Variants in ARHGAP26 observed in about 807,000 individuals in gnomAD.
ARHGAP26 encodes the protein Rho GTPase activating protein 26, also known as rho GTPase-activating protein 26.
Under a neutral mutation model 104.8 loss-of-function variants are expected in ARHGAP26, and 38 were observed. The observed-to-expected ratio is 0.36, with a 90% CI of 0.28 to 0.48. The LOEUF (loss-of-function observed/expected upper bound fraction) is 0.48. ARHGAP26 is among the 20% of genes least tolerant of loss of function. ARHGAP26 has a pLI of 0.99. For missense variants in ARHGAP26, 704 were observed against 947.9 expected, an observed-to-expected ratio of 0.74 and a Z score of 3.38; for synonymous variants, 341 against 340.0, an observed-to-expected ratio of 1.00 and a Z score of -0.03.
chr5:142,894,360 T>C lies in ARHGAP26; in HGVS notation c.597+12T>C, dbSNP rs763469500. On this transcript the variant is annotated intron_variant, in intron 6 of 22. Coordinates refer to ENST00000645722, the MANE Select transcript of ARHGAP26 (RefSeq NM_001135608.3). ...AGTTTGTGGAGCCTGTAAGTAGATATTCAGGGTTTAATGATGTACCCATAT... is the reference window on the plus strand; with the variant it reads ...AGTTTGTGGAGCCTGTAAGTAGATACTCAGGGTTTAATGATGTACCCATAT... The C allele has an allele frequency of 5.6e-6, 9 of 1,607,584 alleles. No homozygotes were observed. Among genetic ancestry groups the C allele is most frequent in the South Asian group, 2.2e-5 (2 of 90,778 alleles).
intron 9 of ARHGAP26, among the ~76,000 whole-genome samples, chr5:142,912,309 A>C (rs1761938086): frequency 6.6e-6 from 1 of 152,378 alleles, no homozygotes; most frequent in Middle Eastern, 3.4e-3. Flanking sequence ...GCCAGACAAA[A>C]AGAGCACATA....
chr5:143,219,161 A>G (rs147731462), intron 22 of ARHGAP26, among the ~76,000 whole-genome samples: 121 of 152,358 alleles, frequency 7.9e-4, no homozygotes, highest in African/African-American at 2.7e-3. Flanking sequence ...TCTGGAGTCA[A>G]ACAAGCTGGG....
Position 142,917,037 on chromosome 5 carries a change from A to ATATTTTT in ARHGAP26, c.1028+3745_1028+3746insATTTTTT, listed in dbSNP as rs1762570535. On this transcript the variant is annotated intron_variant, in intron 10 of 22. Coordinates refer to ENST00000645722, the MANE Select transcript of ARHGAP26 (RefSeq NM_001135608.3). ...CACATTGGTGCCTCAAGACTTTGGA[A>ATATTTTT]TTTTTTTTTTTTTTTTTTTTTAGAT... Among the ~76,000 whole-genome samples, 3 of 135,422 alleles carry ATATTTTT rather than the reference A, an allele frequency of 2.2e-5. No homozygotes were observed. The South Asian group carries it at 7.3e-4, about 33-fold the overall frequency. 88.8% of individuals were successfully genotyped at this position (135,422 alleles called of 152,430 possible).
intron 22 of ARHGAP26, among the ~76,000 whole-genome samples, chr5:143,214,505 A>G (rs567216436): frequency 2.6e-5 from 4 of 152,328 alleles, no homozygotes; most frequent in Non-Finnish European, 4.4e-5. Context: ...TCTTCGAAAA[A>G]GGCCCTGATG....
chr5:143,076,715 A>G (rs1473511448), intron 17 of ARHGAP26, among the ~76,000 whole-genome samples: 1 of 152,166 alleles, frequency 6.6e-6, no homozygotes, highest in Non-Finnish European at 1.5e-5. Flanking sequence ...GACGTCTGGT[A>G]TTTGTATATG....
intron 1 of ARHGAP26, among the ~76,000 whole-genome samples, chr5:142,787,767 A>G (rs770836951): frequency 1.3e-5 from 2 of 152,254 alleles, no homozygotes; most frequent in Non-Finnish European, 2.9e-5. Flanking sequence ...TGGATAAAAT[A>G]AAATGCAAAT....
At chr5:143,033,724 T>C (rs931140667) in intron 12 of ARHGAP26, among the ~76,000 whole-genome samples, 1 of 152,198 alleles carries the variant, frequency 6.6e-6, no homozygotes, top group African/African-American at 2.4e-5. Flanking sequence ...AACATCCTAG[T>C]TCAGAATCAA....
chr5:143,101,668 A>G (rs139759612), intron 17 of ARHGAP26, among the ~76,000 whole-genome samples: 1 of 151,572 alleles, frequency 6.6e-6, no homozygotes, highest in East Asian at 1.9e-4. Context: ...CCTGAAACAG[A>G]CACACACACT....
intron 17 of ARHGAP26, among the ~76,000 whole-genome samples, chr5:143,117,329 C>T (rs567409082): frequency 2.8e-4 from 43 of 152,168 alleles, no homozygotes; most frequent in Non-Finnish European, 5.6e-4. Context: ...GTAAATTCAT[C>T]GAGCTATAAT....
At chr5:142,934,617 G>A (rs189538075) in intron 11 of ARHGAP26, among the ~76,000 whole-genome samples, 19 of 152,298 alleles carry the variant, frequency 1.2e-4, no homozygotes, top group Admixed American at 1.2e-3. Context: ...ATCTGTCCCC[G>A]TGGGAGCTTT....
chr5:142,828,386 A>T lies in ARHGAP26; in HGVS notation c.155-45014A>T, dbSNP rs182647649. 6.5e-3 allele frequency among the ~76,000 whole-genome samples: 993 copies of T among 152,290 alleles called. 9 individuals carry two copies. Among genetic ancestry groups the T allele is most frequent in the Middle Eastern group, 0.031 (9 of 294 alleles). On this transcript the variant is annotated intron_variant, in intron 1 of 22. Coordinates refer to ENST00000645722, the MANE Select transcript of ARHGAP26 (RefSeq NM_001135608.3). ...CAGCATATGCACCACAAAATGAGTC[A>T]TTATGACTTAAGTTTTTTTTATTTC...
intron 1 of ARHGAP26, among the ~76,000 whole-genome samples, chr5:142,824,793 T>A (rs765786603): frequency 3.3e-5 from 5 of 152,180 alleles, no homozygotes; most frequent in Admixed American, 3.3e-4. Flanking sequence ...GCCTTATTAA[T>A]GGGCAGGGCA....
rs183525412 is a variant in ARHGAP26, at chr5:142,991,178, C to G, written c.1108-22902C>G. On this transcript the variant is annotated intron_variant, in intron 11 of 22. Coordinates refer to ENST00000645722, the MANE Select transcript of ARHGAP26 (RefSeq NM_001135608.3). ...TCAGCAAAGGTGGATGCCCCTCCCCCAGCCTTGCTGCCGCCTTGCAGTTCG... is the reference window on the plus strand; with the variant it reads ...TCAGCAAAGGTGGATGCCCCTCCCCGAGCCTTGCTGCCGCCTTGCAGTTCG... 1.8e-3 allele frequency among the ~76,000 whole-genome samples: 275 copies of G among 152,352 alleles called. 1 individual carries two copies. Among genetic ancestry groups the G allele is most frequent in the African/African-American group, 6.2e-3 (256 of 41,586 alleles).
intron 11 of ARHGAP26, among the ~76,000 whole-genome samples, chr5:142,936,017 A>G (rs2152544344): frequency 6.6e-6 from 1 of 152,076 alleles, no homozygotes; most frequent in South Asian, 2.1e-4. Flanking sequence ...AGGGCAAGAA[A>G]TTAATATAAC....
intron 20 of ARHGAP26, among the ~76,000 whole-genome samples, chr5:143,160,475 G>GT (rs11422894): frequency 0.58 from 86,797 of 149,592 alleles, 26,833 homozygotes; most frequent in African/African-American, 0.79. Flanking sequence ...GCTTTTGGTG[G>GT]TTTTTTTTTC....
chr5:142,932,252 T>A (rs1764836038), intron 11 of ARHGAP26, 127 bp downstream of exon 11: 3 of 790,514 alleles, frequency 3.8e-6, no homozygotes, highest in Admixed American at 2.3e-5. Context: ...CCAGAGGTGG[T>A]TTTTTATTCC....
intron 1 of ARHGAP26, among the ~76,000 whole-genome samples, chr5:142,779,424 G>GGT (rs10550663): frequency 0.052 from 7,741 of 149,718 alleles, 304 homozygotes; most frequent in East Asian, 0.13. Flanking sequence ...GGGTTAGGGT[G>GGT]GTGTGTGTGT....
intron 19 of ARHGAP26, among the ~76,000 whole-genome samples, chr5:143,146,871 G>A (rs574868577): frequency 6.6e-6 from 1 of 152,350 alleles, no homozygotes; most frequent in South Asian, 2.1e-4. Context: ...GGGGATCTGG[G>A]TGAATGTGAG....
chr5:142,873,891 C>T (rs150579571), intron 2 of ARHGAP26, among the ~76,000 whole-genome samples: 1 of 152,348 alleles, frequency 6.6e-6, no homozygotes, highest in African/African-American at 2.4e-5. Flanking sequence ...GATGAGAACA[C>T]AGCCCAGTTT....
Sources: gnomAD v4.1 joint callset for allele counts (sites outside exome capture counted in the v4.1 genomes callset) on GRCh38, gnomAD v4.1.1 for gene constraint, MANE v1.5 for transcripts, NCBI Gene and HGNC (gene_info 2026-07-23, HGNC 2026-07-21) for gene names.